Variants in ASB7 observed in about 807,000 individuals in gnomAD.
ASB7 encodes ankyrin repeat and SOCS box protein 7.
In ASB7, 4 loss-of-function variants were observed where a neutral mutation model predicts 32.5. That is an observed-to-expected ratio of 0.12 (90% confidence interval 0.06 to 0.28). The LOEUF (loss-of-function observed/expected upper bound fraction) is 0.28, where lower values mean the gene tolerates loss of function less well. Ranked by LOEUF, ASB7 falls within the 10% of genes least tolerant of loss-of-function variation. The pLI is 1.00. For missense variants in ASB7, 181 were observed against 407.1 expected, an observed-to-expected ratio of 0.44 and a Z score of 4.78; for synonymous variants, 172 against 155.6, an observed-to-expected ratio of 1.11 and a Z score of -0.78.
At chr15:100,638,238 T>G (rs1178609566) in intron 5 of ASB7, 1 of 152,188 alleles carries the variant, frequency 6.6e-6, no homozygotes, top group Non-Finnish European at 1.5e-5. Flanking sequence ...GTATTTCTGT[T>G]TAAAGTTAAA....
chr15:100,617,284 A>G (rs540590636), intron 4 of ASB7, among the ~76,000 whole-genome samples: 11 of 152,332 alleles, frequency 7.2e-5, no homozygotes, highest in African/African-American at 2.6e-4. Flanking sequence ...AAAATCCATA[A>G]TTGGTTTCCC....
Position 100,629,781 on chromosome 15 carries a change from T to A in ASB7, c.556T>A (p.Tyr186Asn). 6.2e-7 allele frequency: 1 copy of A among 1,614,244 alleles called. No homozygotes were observed. Among genetic ancestry groups the A allele is most frequent in the Non-Finnish European group, 8.5e-7 (1 of 1,180,040 alleles). Residue 186 changes from tyrosine to asparagine, a missense_variant, in exon 5 of 6, where the codon TAC becomes AAC. By Grantham distance (143) the Tyr-to-Asn change is moderately radical (BLOSUM62 -2). Transcript: ENST00000332783. This position sits in a 1 kb window ranked among gnomAD's most constrained non-coding sequence, Gnocchi z 6.8. ...CATTCAGAATGGTTTCCTGTTGCGA[T>A]ACGCCGTGATCAAAAGCAATCACTC... ...IDIQNGFLLRYAVIKSNHSYC... is the reference protein window; with the variant it reads ...IDIQNGFLLRNAVIKSNHSYC...
At chr15:100,605,288 G>A (rs941521516) in intron 2 of ASB7, among the ~76,000 whole-genome samples, 1 of 152,156 alleles carries the variant, frequency 6.6e-6, no homozygotes, top group African/African-American at 2.4e-5. Context: ...GGCTAGTTAG[G>A]TAGCTTACAT....
intron 4 of ASB7, among the ~76,000 whole-genome samples, chr15:100,614,395 C>T (rs1033108228): frequency 6.6e-6 from 1 of 151,880 alleles, no homozygotes; most frequent in South Asian, 2.1e-4. Flanking sequence ...TTTTATACAA[C>T]TGTGTGACTT....
chr15:100,628,737 G>C (rs2039861340), intron 4 of ASB7, among the ~76,000 whole-genome samples: 1 of 152,112 alleles, frequency 6.6e-6, no homozygotes, highest in Non-Finnish European at 1.5e-5. Flanking sequence ...AATTAGGAGA[G>C]GTTTTTGGAA....
chr15:100,603,714 G>A (rs1363446573), intron 2 of ASB7, among the ~76,000 whole-genome samples: 1 of 152,090 alleles, frequency 6.6e-6, no homozygotes, highest in Non-Finnish European at 1.5e-5. Flanking sequence ...ACAATTTACT[G>A]TTTTCCCCCT....
intron 5 of ASB7, among the ~76,000 whole-genome samples, chr15:100,639,205 T>C (rs1452183877): frequency 6.6e-6 from 1 of 152,212 alleles, no homozygotes; most frequent in African/African-American, 2.4e-5. Context: ...TTGAGTTGTG[T>C]AAATGGTTTT....
At position 100,610,494 on chromosome 15, in the gene ASB7, C is replaced by CA. The variant is rs5814978; in HGVS notation, c.-52+678dup. Among the ~76,000 whole-genome samples, 320 of 136,800 alleles carry CA rather than the reference C, an allele frequency of 2.3e-3. 1 individual carries two copies. Among genetic ancestry groups the CA allele is most frequent in the Non-Finnish European group, 3.1e-3 (197 of 62,678 alleles). 89.7% of individuals were successfully genotyped at this position (136,800 alleles called of 152,430 possible). ...TGGGTGACAGAGCAAGACTCCGTCT[C>CA]AAAAAAAAAAAAGAGGCAATCTTGT... On this transcript the variant is annotated intron_variant, in intron 3 of 5. Coordinates refer to ENST00000332783, the MANE Select transcript of ASB7 (RefSeq NM_198243.3).
intron 2 of ASB7, 159 bp from the exon 3 acceptor site, chr15:100,609,548 A>G (rs949507797): frequency 6.6e-6 from 1 of 152,192 alleles, no homozygotes; most frequent in Non-Finnish European, 1.5e-5. Flanking sequence ...ATATGTAACA[A>G]GATTATTTTC....
intron 5 of ASB7, among the ~76,000 whole-genome samples, chr15:100,630,431 T>C (rs1027537506): frequency 6.6e-6 from 1 of 152,232 alleles, no homozygotes; most frequent in African/African-American, 2.4e-5. Flanking sequence ...GGATCTTAGA[T>C]TCCTTACCTG....
intron 4 of ASB7, among the ~76,000 whole-genome samples, chr15:100,618,944 C>T (rs1208416330): frequency 1.3e-5 from 2 of 152,096 alleles, no homozygotes; most frequent in Non-Finnish European, 2.9e-5. Flanking sequence ...TTCTAAGCTA[C>T]GGAAGAGTAA....
At chr15:100,647,596 T>C (rs185525191) in intron 5 of ASB7, among the ~76,000 whole-genome samples, 12 of 152,292 alleles carry the variant, frequency 7.9e-5, no homozygotes, top group Admixed American at 6.5e-4. Context: ...AATTGAGATA[T>C]AACGGGTTTT....
Position 100,612,285 on chromosome 15 carries a change from T to G in ASB7, c.69T>G (p.Ala23=). The change falls in exon 4 of 6, where the codon GCT becomes GCG. Residue 23 remains alanine, a synonymous_variant. Coordinates refer to ENST00000332783, the MANE Select transcript of ASB7 (RefSeq NM_198243.3). ...QEELQIQAAV[A]AGDVHTVRKM... ...AGTTGCAGATTCAGGCCGCGGTGGC[T>G]GCTGGGGATGTCCACACAGTGCGAA... The G allele has an allele frequency of 6.2e-7, 1 of 1,614,138 alleles. No individual in the cohort carries two copies. The highest frequency in any genetic ancestry group is 8.5e-7 in the Non-Finnish European group (1 of 1,180,002).
intron 4 of ASB7, among the ~76,000 whole-genome samples, chr15:100,620,812 A>G (rs970149089): frequency 4.6e-5 from 7 of 152,244 alleles, no homozygotes; most frequent in Admixed American, 3.9e-4. Flanking sequence ...GGAAGAGACA[A>G]TGTCTTAGTG....
chr15:100,617,112 C>T (rs2039750467), intron 4 of ASB7, among the ~76,000 whole-genome samples: 1 of 152,320 alleles, frequency 6.6e-6, no homozygotes, highest in African/African-American at 2.4e-5. Flanking sequence ...GAGCTTTTCA[C>T]TTCCTTTCCC....
intron 5 of ASB7, among the ~76,000 whole-genome samples, chr15:100,633,898 T>C (rs962433110): frequency 6.6e-6 from 1 of 152,114 alleles, no homozygotes; most frequent in Non-Finnish European, 1.5e-5. Context: ...CACACACCAC[T>C]CCAGAACTAA....
intron 5 of ASB7, among the ~76,000 whole-genome samples, chr15:100,642,941 C>G (rs2039971609): frequency 6.6e-6 from 1 of 152,182 alleles, no homozygotes; most frequent in Non-Finnish European, 1.5e-5. Flanking sequence ...GAGGCTGAGG[C>G]AGGAGAATCG....
intron 4 of ASB7, among the ~76,000 whole-genome samples, chr15:100,627,360 T>C (rs1341406289): frequency 3.3e-5 from 5 of 152,218 alleles, no homozygotes; most frequent in Admixed American, 6.5e-5. Flanking sequence ...GTTCACTTAA[T>C]GTTTTCACGT....
intron 5 of ASB7, among the ~76,000 whole-genome samples, chr15:100,640,939 A>G (rs925853642): frequency 3.3e-5 from 5 of 152,192 alleles, no homozygotes; most frequent in Non-Finnish European, 1.5e-5. Context: ...TTGAACTATT[A>G]TGTAATTCCA....
Sources: gnomAD v4.1 joint callset for allele counts (sites outside exome capture counted in the v4.1 genomes callset) on GRCh38, gnomAD v4.1.1 for gene constraint, Gnocchi (gnomAD v3.1) non-coding constraint, MANE v1.5 for transcripts, NCBI Gene and HGNC (gene_info 2026-07-23, HGNC 2026-07-21) for gene names.